The following PTK2B variants were observed in gnomAD, a reference collection of about 807,000 sequenced individuals.
The protein encoded by PTK2B is protein-tyrosine kinase 2-beta.
PTK2B carries 71 observed loss-of-function variants against 142.9 expected under a neutral mutation model. That is an observed-to-expected ratio of 0.50 (90% CI 0.41 to 0.61). The LOEUF (loss-of-function observed/expected upper bound fraction) is 0.61, where lower values mean the gene tolerates loss of function less well. PTK2B is among the 20% of genes least tolerant of loss of function. The probability of loss-of-function intolerance (pLI) is 0.00; values close to 1 mark genes in which losing one functional copy is unlikely to be tolerated. For missense variants in PTK2B, 1,105 were observed against 1,320.4 expected, an observed-to-expected ratio of 0.84 and a Z score of 2.53; for synonymous variants, 519 against 503.4, an observed-to-expected ratio of 1.03 and a Z score of -0.42.
intron 27 of PTK2B, 95 bp downstream of exon 27, chr8:27,451,604 T>G: frequency 6.3e-7 from 1 of 1,598,042 alleles, no homozygotes; most frequent in Non-Finnish European, 8.5e-7. Context: ...AGCAGCGGAG[T>G]CTGTCTGCAT....
intron 5 of PTK2B, among the ~76,000 whole-genome samples, chr8:27,424,523 T>C (rs1809954580): frequency 2.0e-5 from 3 of 152,242 alleles, no homozygotes. Flanking sequence ...GTTCCTATTC[T>C]TACTGGTTGA....
intron 1 of PTK2B, among the ~76,000 whole-genome samples, chr8:27,376,496 G>T (rs1312052388): frequency 6.6e-6 from 1 of 152,200 alleles, no homozygotes; most frequent in East Asian, 1.9e-4. Flanking sequence ...CAGGAGCTAG[G>T]TAAAATGAGG....
intron 1 of PTK2B, among the ~76,000 whole-genome samples, chr8:27,331,143 A>G (rs1366423810): frequency 2.0e-5 from 3 of 152,098 alleles, no homozygotes; most frequent in African/African-American, 7.2e-5. Context: ...AGAGCTCGGT[A>G]CCAGGTTTAA....
intron 1 of PTK2B, among the ~76,000 whole-genome samples, chr8:27,326,226 A>ATGTGTGTGTG (rs4054914): frequency 6.1e-5 from 9 of 146,694 alleles, no homozygotes; most frequent in African/African-American, 2.3e-4. Flanking sequence ...GCTCGTGTGT[A>ATGTGTGTGTG]TGTGTGTGTG....
intron 4 of PTK2B, among the ~76,000 whole-genome samples, chr8:27,421,366 T>G (rs887792070): frequency 6.6e-6 from 1 of 152,082 alleles, no homozygotes; most frequent in African/African-American, 2.4e-5. Flanking sequence ...GTTGGTTACA[T>G]GAATAATTTC....
intron 21 of PTK2B, among the ~76,000 whole-genome samples, chr8:27,441,663 G>T (rs1311392171): frequency 1.3e-5 from 2 of 152,200 alleles, no homozygotes; most frequent in African/African-American, 2.4e-5. Flanking sequence ...AGGCATCTCT[G>T]TTCCTCTCTA....
At chr8:27,436,228 G>A (rs750224233) in intron 14 of PTK2B, 23 bp from the exon 15 acceptor site, 19 of 1,610,948 alleles carry the variant, frequency 1.2e-5, no homozygotes, top group Admixed American at 6.7e-5. Flanking sequence ...TGTGATCTGC[G>A]ACTGTTTTCT....
At chr8:27,347,985 CA>C (rs1804815052) in intron 1 of PTK2B, among the ~76,000 whole-genome samples, 2 of 152,236 alleles carry the variant, frequency 1.3e-5, no homozygotes. Context: ...CTCTCTGAAG[CA>C]GCCCATTCTT....
chr8:27,424,709 C>T (rs1338993518), intron 5 of PTK2B, among the ~76,000 whole-genome samples: 2 of 152,204 alleles, frequency 1.3e-5, no homozygotes, highest in South Asian at 2.1e-4. Flanking sequence ...GAATTGGACA[C>T]ACTTCGGAAA....
At chr8:27,390,307 C>A (rs527717833) in intron 1 of PTK2B, among the ~76,000 whole-genome samples, 1 of 152,236 alleles carries the variant, frequency 6.6e-6, no homozygotes, top group Non-Finnish European at 1.5e-5. Context: ...CCACCTGATC[C>A]TGCACTTAGG....
intron 19 of PTK2B, 84 bp from the exon 20 acceptor site, chr8:27,439,225 C>T: frequency 1.9e-6 from 3 of 1,563,396 alleles, no homozygotes; most frequent in Non-Finnish European, 2.6e-6. Flanking sequence ...ACAGCCCAGG[C>T]TAAGGGTCTT....
chr8:27,371,760 C>T (rs982846197), intron 1 of PTK2B, among the ~76,000 whole-genome samples: 4 of 152,126 alleles, frequency 2.6e-5, no homozygotes, highest in Non-Finnish European at 5.9e-5. Context: ...GTTGGCCAGG[C>T]TGGTCTCGAA....
At chr8:27,433,942 C>A in intron 11 of PTK2B, 151 bp from the exon 12 acceptor site, 1 of 1,093,100 alleles carries the variant, frequency 9.1e-7, no homozygotes, top group Non-Finnish European at 1.4e-6. Context: ...CACTTCTGGC[C>A]CAAGGCCTCA....
intron 5 of PTK2B, among the ~76,000 whole-genome samples, chr8:27,428,557 A>G (rs1810221993): frequency 3.3e-5 from 5 of 152,212 alleles, no homozygotes; most frequent in Admixed American, 3.3e-4. Context: ...AGGGTTTTCT[A>G]GCCTCACTAC....
At chr8:27,367,988 G>A (rs912894680) in intron 1 of PTK2B, among the ~76,000 whole-genome samples, 6 of 152,224 alleles carry the variant, frequency 3.9e-5, no homozygotes, top group African/African-American at 1.4e-4. Context: ...TTCCACAAGA[G>A]CCAGGGGACA....
intron 1 of PTK2B, among the ~76,000 whole-genome samples, chr8:27,336,427 G>A (rs1586103526): frequency 6.6e-6 from 1 of 152,262 alleles, no homozygotes; most frequent in East Asian, 1.9e-4. Context: ...GAGAGTCACT[G>A]TTACATCCCA....
chr8:27,386,489 G>A (rs1448692813), intron 1 of PTK2B, among the ~76,000 whole-genome samples: 1 of 152,002 alleles, frequency 6.6e-6, no homozygotes, highest in Non-Finnish European at 1.5e-5. Context: ...TAGGTTTATG[G>A]TGGTTCCTTA....
At position 27,339,655 on chromosome 8, in the gene PTK2B, C is replaced by T. The variant is rs550195205; in HGVS notation, c.-38+13974C>T. On this transcript the variant is annotated intron_variant, in intron 1 of 30. Coordinates refer to ENST00000346049, the MANE Select transcript of PTK2B (RefSeq NM_173176.3). ...GGAAGAAGTTGGGACAATGGAAAGA[C>T]TGGCAGGGTGGTAACATAGCAGGCA... is the stretch of plus-strand genomic sequence containing the variant. Among the ~76,000 whole-genome samples the T allele has an allele frequency of 3.9e-5, 6 of 152,298 alleles. No individual in the cohort carries two copies. The East Asian group carries it at 1.2e-3, about 29-fold the overall frequency.
intron 2 of PTK2B, among the ~76,000 whole-genome samples, chr8:27,416,058 C>G (rs1809382621): frequency 6.6e-6 from 1 of 152,084 alleles, no homozygotes; most frequent in African/African-American, 2.4e-5. Context: ...GTCAACATAG[C>G]ATGACCCAAA....
Sources: allele counts gnomAD v4.1 joint callset (sites outside exome capture counted in the v4.1 genomes callset), GRCh38; gene constraint gnomAD v4.1.1; transcripts MANE v1.5; gene names NCBI Gene and HGNC (gene_info 2026-07-23, HGNC 2026-07-21).